CDH13: variants seen among roughly 807,000 people sequenced by gnomAD.
CDH13 encodes the protein cadherin 13.
CDH13 carries 24 observed loss-of-function variants against 63.8 expected under a neutral mutation model. The observed-to-expected ratio is 0.38, with a 90% CI of 0.27 to 0.53. The LOEUF is 0.53. Ranked by LOEUF, CDH13 falls within the 20% of genes least tolerant of loss-of-function variation. CDH13 has a pLI of 0.85. For synonymous variants in CDH13, 503 were observed against 355.3 expected (o/e 1.42, Z -4.67); for missense variants, 1,049 against 903.1 (o/e 1.16, Z -2.07).
chr16:83,701,679 C>G (rs1906252538), intron 10 of CDH13, among the ~76,000 whole-genome samples: 1 of 152,176 alleles, frequency 6.6e-6, no homozygotes, highest in South Asian at 2.1e-4. Flanking sequence ...CGCCCTTATC[C>G]TCTCTTCTTC....
At chr16:83,124,155 C>T (rs981713838) in intron 3 of CDH13, among the ~76,000 whole-genome samples, 2 of 152,126 alleles carry the variant, frequency 1.3e-5, no homozygotes, top group Admixed American at 6.5e-5. Flanking sequence ...AAGCAATTCT[C>T]CTGCCTCAGC....
chr16:83,174,123 G>A (rs983362807), intron 4 of CDH13, among the ~76,000 whole-genome samples: 2 of 152,058 alleles, frequency 1.3e-5, no homozygotes, highest in African/African-American at 4.8e-5. Flanking sequence ...GTATCCCTCT[G>A]CAACATTTCC....
chr16:83,159,485 C>A (rs1006820804), intron 4 of CDH13, among the ~76,000 whole-genome samples: 1 of 152,118 alleles, frequency 6.6e-6, no homozygotes, highest in Admixed American at 6.5e-5. Context: ...GCTAAAGTCT[C>A]TATGGGAAAG....
At chr16:83,162,091 A>G (rs757153316) in intron 4 of CDH13, among the ~76,000 whole-genome samples, 2 of 152,228 alleles carry the variant, frequency 1.3e-5, no homozygotes, top group East Asian at 1.9e-4. Context: ...TAGGTTAAAC[A>G]TGAACTGCTT....
At chr16:83,446,607 C>A (rs1183278307) in intron 6 of CDH13, among the ~76,000 whole-genome samples, 3 of 152,260 alleles carry the variant, frequency 2.0e-5, no homozygotes, top group African/African-American at 4.8e-5. Flanking sequence ...AACTCTGGGG[C>A]AATTTTCTGC....
At chr16:83,308,211 C>T (rs566704829) in intron 5 of CDH13, among the ~76,000 whole-genome samples, 4 of 151,942 alleles carry the variant, frequency 2.6e-5, no homozygotes, top group East Asian at 1.9e-4. Context: ...ATACCATTAC[C>T]GTCAAATTAA....
chr16:83,534,768 A>G (rs1398006689), intron 7 of CDH13, among the ~76,000 whole-genome samples: 1 of 152,230 alleles, frequency 6.6e-6, no homozygotes, highest in Non-Finnish European at 1.5e-5. Context: ...ATTATGAGCA[A>G]TGCTGCTATG....
chr16:82,902,607 G>A (rs549710972), intron 2 of CDH13, among the ~76,000 whole-genome samples: 2 of 147,304 alleles, frequency 1.4e-5, no homozygotes, highest in South Asian at 2.2e-4. Flanking sequence ...CTTTTCTCAC[G>A]TGCTTCTTTG....
chr16:82,638,429 G>A (rs12449223), intron 1 of CDH13, among the ~76,000 whole-genome samples: 54,480 of 152,042 alleles, frequency 0.36, 10,391 homozygotes, highest in East Asian at 0.61. Context: ...TAAAACAACT[G>A]AAAAGGAATA....
chr16:83,713,715 A>G (rs913057773), intron 10 of CDH13, among the ~76,000 whole-genome samples: 2 of 152,194 alleles, frequency 1.3e-5, no homozygotes, highest in East Asian at 3.9e-4. Context: ...GGTTTTAACC[A>G]GAACTCGATC....
intron 3 of CDH13, among the ~76,000 whole-genome samples, chr16:83,092,482 G>T: frequency 6.6e-6 from 1 of 152,316 alleles, no homozygotes; most frequent in East Asian, 1.9e-4. Context: ...ACTAGAGTTC[G>T]TTAACTTGTC....
intron 5 of CDH13, among the ~76,000 whole-genome samples, chr16:83,273,979 C>T (rs146030676): frequency 7.9e-5 from 12 of 152,256 alleles, no homozygotes; most frequent in African/African-American, 2.9e-4. Flanking sequence ...CAGGTTTTGC[C>T]TCTGACCACA....
chr16:83,166,037 G>A (rs2037650665), intron 4 of CDH13, among the ~76,000 whole-genome samples: 1 of 152,142 alleles, frequency 6.6e-6, no homozygotes, highest in South Asian at 2.1e-4. Context: ...TGCATTGTTT[G>A]TGGAAAGATA....
intron 7 of CDH13, among the ~76,000 whole-genome samples, chr16:83,581,240 G>A (rs1905569204): frequency 6.6e-6 from 1 of 152,196 alleles, no homozygotes; most frequent in Non-Finnish European, 1.5e-5. Flanking sequence ...TGACAGTTGA[G>A]TCATTTATCC....
At chr16:82,657,833 A>G (rs1911472607) in intron 1 of CDH13, among the ~76,000 whole-genome samples, 1 of 151,898 alleles carries the variant, frequency 6.6e-6, no homozygotes, top group Admixed American at 6.6e-5. Context: ...ATTTTTTTGG[A>G]TTTCTTACAT....
At chr16:83,630,622 T>G (rs1910692271) in intron 8 of CDH13, among the ~76,000 whole-genome samples, 1 of 152,186 alleles carries the variant, frequency 6.6e-6, no homozygotes, top group African/African-American at 2.4e-5. Context: ...ACGTAAACAA[T>G]CAGACTGAGG....
At chr16:83,362,455 T>C (rs978620776) in intron 6 of CDH13, among the ~76,000 whole-genome samples, 1 of 152,194 alleles carries the variant, frequency 6.6e-6, no homozygotes, top group Non-Finnish European at 1.5e-5. Context: ...GGCAATTAGG[T>C]GCCACAACAA....
At chr16:83,475,424 G>C (rs2073576740) in intron 6 of CDH13, among the ~76,000 whole-genome samples, 1 of 152,230 alleles carries the variant, frequency 6.6e-6, no homozygotes, top group African/African-American at 2.4e-5. Flanking sequence ...GGATCCCTAA[G>C]CTGCCACTTG....
chr16:82,809,239 A>G (rs1258449382), intron 1 of CDH13, among the ~76,000 whole-genome samples: 1 of 151,952 alleles, frequency 6.6e-6, no homozygotes, highest in African/African-American at 2.4e-5. Flanking sequence ...TTGCCAAGCT[A>G]TTATTACATT....
Sources: gnomAD v4.1 joint callset for allele counts (sites outside exome capture counted in the v4.1 genomes callset) on GRCh38, gnomAD v4.1.1 for gene constraint, MANE v1.5 for transcripts, NCBI Gene and HGNC (gene_info 2026-07-23, HGNC 2026-07-21) for gene names.